Variants in NBEA observed in about 807,000 individuals in gnomAD.
NBEA encodes neurobeachin, also known as lysosomal-trafficking regulator 2.
NBEA carries 44 observed loss-of-function variants against 343.4 expected under a neutral mutation model. That is an observed-to-expected ratio of 0.13 (90% confidence interval 0.10 to 0.16). The LOEUF (loss-of-function observed/expected upper bound fraction) is 0.16. NBEA is among the 10% of genes least tolerant of loss of function. The probability of loss-of-function intolerance (pLI) is 1.00; values close to 1 mark genes in which losing one functional copy is unlikely to be tolerated. For synonymous variants in NBEA, 1,175 were observed against 1,238.7 expected, an observed-to-expected ratio of 0.95 and a Z score of 1.08; for missense variants, 2,555 against 3,631.3, an observed-to-expected ratio of 0.70 and a Z score of 7.62.
chr13:35,539,915 CAAAAAA>C lies in NBEA; in HGVS notation c.6586-10540_6586-10535del, dbSNP rs71081262. ...TGGGCGACAGAGCAAGACTCCGTCT[CAAAAAA>C]AAAAAAAAAAAAAAAAAAAAAGTGC... On this transcript the variant is annotated intron_variant, in intron 41 of 58. Transcript: ENST00000379939. 6.3e-4 allele frequency among the ~76,000 whole-genome samples: 25 copies of C among 39,612 alleles called. No individual in the cohort carries two copies. In the South Asian group the frequency reaches 0.016, roughly 25 times the overall value. The allele number at this position is 39,612 out of a possible 152,430, so 26.0% of individuals were successfully genotyped here. A position where few individuals can be genotyped will look rare whatever the true frequency, so the allele number is the denominator to read the frequency against.
intron 48 of NBEA, among the ~76,000 whole-genome samples, chr13:35,620,076 A>G (rs2082913683): frequency 6.6e-6 from 1 of 152,074 alleles, no homozygotes; most frequent in Admixed American, 6.5e-5. Context: ...AAATAAACAA[A>G]CAGTCCCAGT....
intron 41 of NBEA, among the ~76,000 whole-genome samples, chr13:35,531,564 T>C (rs2078264322): frequency 6.6e-6 from 1 of 152,184 alleles, no homozygotes; most frequent in Non-Finnish European, 1.5e-5. Context: ...GCCCTTACCT[T>C]TCCTTTGTAT....
chr13:35,029,108 A>G (rs1364594416), intron 1 of NBEA, among the ~76,000 whole-genome samples: 1 of 151,274 alleles, frequency 6.6e-6, no homozygotes, highest in African/African-American at 2.4e-5. Context: ...TGAGAGGACA[A>G]TTTTCTCAGA....
At chr13:35,290,305 A>C in intron 34 of NBEA, 84 bp from the exon 35 acceptor site, 1 of 879,750 alleles carries the variant, frequency 1.1e-6, no homozygotes, top group Non-Finnish European at 1.8e-6. Flanking sequence ...TTTTTTTATA[A>C]ATTAAAATTA....
chr13:35,534,480 C>A (rs1289260670), intron 41 of NBEA, among the ~76,000 whole-genome samples: 5 of 152,194 alleles, frequency 3.3e-5, no homozygotes, highest in Non-Finnish European at 7.3e-5. Flanking sequence ...CTCCAGTGCT[C>A]TCAATGGCAT....
Position 35,352,276 on chromosome 13 carries a change from C to A in NBEA, c.6132C>A (p.Leu2044=). The A allele has an allele frequency of 6.5e-7, 1 of 1,546,254 alleles. No individual in the cohort carries two copies. Among genetic ancestry groups the A allele is most frequent in the Non-Finnish European group, 8.8e-7 (1 of 1,141,512 alleles). Residue 2044 remains leucine (L), a synonymous_variant, in exon 38 of 59, where the codon CTC becomes CTA. Transcript: ENST00000379939. ...VTANQLKQKI[L]NILTNKHGAW... ...CAAATCAGCTGAAACAGAAGATTCT[C>A]AATATTCTCACAAATAAACATGGTG...
intron 35 of NBEA, among the ~76,000 whole-genome samples, chr13:35,308,462 AT>A (rs2037074348): frequency 9.1e-6 from 1 of 110,202 alleles, no homozygotes; most frequent in Non-Finnish European, 1.8e-5. Flanking sequence ...ATATATATAT[AT>A]ATATATATAT....
At chr13:35,180,256 G>A (rs2071219938) in intron 28 of NBEA, among the ~76,000 whole-genome samples, 1 of 151,612 alleles carries the variant, frequency 6.6e-6, no homozygotes, top group East Asian at 1.9e-4. Flanking sequence ...TTTCAGTTTG[G>A]TTTGAAAGTA....
At chr13:35,085,548 A>T (rs1277031168) in intron 10 of NBEA, among the ~76,000 whole-genome samples, 1 of 152,082 alleles carries the variant, frequency 6.6e-6, no homozygotes, top group Non-Finnish European at 1.5e-5. Context: ...CATGCTAAAA[A>T]CTCTTAATAA....
chr13:35,031,087 C>G (rs1459760885), intron 1 of NBEA, among the ~76,000 whole-genome samples: 1 of 151,644 alleles, frequency 6.6e-6, no homozygotes, highest in African/African-American at 2.4e-5. Flanking sequence ...CTCTACAATT[C>G]AAGTGTATAC....
chr13:35,591,984 T>A (rs2081561525), intron 46 of NBEA, among the ~76,000 whole-genome samples: 2 of 152,112 alleles, frequency 1.3e-5, no homozygotes, highest in Non-Finnish European at 2.9e-5. Context: ...ATCTTTGCTA[T>A]AATTGTAGTT....
intron 41 of NBEA, among the ~76,000 whole-genome samples, chr13:35,548,234 A>G (rs1212122352): frequency 6.6e-6 from 1 of 152,216 alleles, no homozygotes; most frequent in Non-Finnish European, 1.5e-5. Context: ...ATGGAAGGCC[A>G]TAAATGAATA....
In NBEA at chr13:35,153,023, A is replaced by ACTTACATAG. The variant is rs533538891; in HGVS notation, c.2446-2750_2446-2742dup. 3.1e-3 allele frequency among the ~76,000 whole-genome samples: 451 copies of ACTTACATAG among 146,728 alleles called. 1 individual carries two copies. Among genetic ancestry groups the ACTTACATAG allele is most frequent in the Non-Finnish European group, 5.6e-3 (376 of 66,768 alleles). On this transcript the variant is annotated intron_variant, in intron 18 of 58. Coordinates refer to ENST00000379939, the MANE Select transcript of NBEA (RefSeq NM_001385012.1). ...CATTATTCCCTTTCTCCCTTTTTAAACTTACATAGGTTCTTTTTTTTTTTT... is the reference window on the plus strand; with the variant it reads ...CATTATTCCCTTTCTCCCTTTTTAAACTTACATAGCTTACATAGGTTCTTTTTTTTTTTT...
At position 34,983,147 on chromosome 13, in the gene NBEA, T is replaced by A. The variant is rs181594164; in HGVS notation, c.294+40033T>A. 7.0e-3 allele frequency among the ~76,000 whole-genome samples: 1,063 copies of A among 152,200 alleles called. 23 individuals carry two copies. Among genetic ancestry groups the A allele is most frequent in the African/African-American group, 0.024 (1,001 of 41,518 alleles). ...TTAACTCATCATTTACATTAGGTAT[T>A]TCTCCTAATGCTATACCTCCCCCTG... is the stretch of plus-strand genomic sequence containing the variant. On this transcript the variant is annotated intron_variant, in intron 1 of 58. Coordinates refer to ENST00000379939, the MANE Select transcript of NBEA (RefSeq NM_001385012.1).
intron 48 of NBEA, among the ~76,000 whole-genome samples, chr13:35,619,438 A>T (rs1413303169): frequency 6.6e-6 from 1 of 152,158 alleles, no homozygotes; most frequent in African/African-American, 2.4e-5. Context: ...CAGACTGGAC[A>T]GCAGAACTGC....
At chr13:35,439,584 T>A (rs2152935831) in intron 39 of NBEA, among the ~76,000 whole-genome samples, 1 of 152,304 alleles carries the variant, frequency 6.6e-6, no homozygotes, top group Admixed American at 6.5e-5. Flanking sequence ...TGTCTCATAT[T>A]CCTAGATAAA....
At chr13:35,069,606 G>T (rs1416278129) in intron 8 of NBEA, among the ~76,000 whole-genome samples, 1 of 152,034 alleles carries the variant, frequency 6.6e-6, no homozygotes, top group Non-Finnish European at 1.5e-5. Flanking sequence ...CTCTGATGTA[G>T]TCAAGTAACA....
At chr13:35,427,493 A>T (rs1354250950) in intron 38 of NBEA, among the ~76,000 whole-genome samples, 3 of 152,044 alleles carry the variant, frequency 2.0e-5, no homozygotes, top group African/African-American at 7.3e-5. Flanking sequence ...TTCCTCTGGA[A>T]GTTTTGTCTC....
chr13:35,639,750 G>C (rs945871663), intron 49 of NBEA, among the ~76,000 whole-genome samples: 4 of 152,018 alleles, frequency 2.6e-5, no homozygotes, highest in Non-Finnish European at 5.9e-5. Context: ...GACGTAGTTT[G>C]ATATTTTGCA....
Sources: gnomAD v4.1 joint callset for allele counts (sites outside exome capture counted in the v4.1 genomes callset) on GRCh38, gnomAD v4.1.1 for gene constraint, MANE v1.5 for transcripts, NCBI Gene and HGNC (gene_info 2026-07-23, HGNC 2026-07-21) for gene names.